SPIDR: variants seen among roughly 807,000 people sequenced by gnomAD.
SPIDR encodes DNA repair-scaffolding protein.
Under a neutral mutation model 104.6 loss-of-function variants are expected in SPIDR, and 93 were observed. The observed-to-expected ratio is 0.89, with a 90% CI of 0.75 to 1.06. The LOEUF is 1.06. Among genes scored for constraint, SPIDR ranks in the 50% least tolerant of loss-of-function variants. SPIDR has a pLI of 0.00. For synonymous variants in SPIDR, 431 were observed against 416.9 expected (o/e 1.03, Z -0.41); for missense variants, 1,154 against 1,111.2 (o/e 1.04, Z -0.55).
intron 5 of SPIDR, among the ~76,000 whole-genome samples, chr8:47,313,711 A>G (rs1388089734): frequency 6.6e-6 from 1 of 152,240 alleles, no homozygotes; most frequent in Non-Finnish European, 1.5e-5. Flanking sequence ...GTACCAAAAC[A>G]GAGATATAGA....
intron 8 of SPIDR, among the ~76,000 whole-genome samples, chr8:47,487,274 G>A (rs1554732153): frequency 3.9e-5 from 6 of 152,186 alleles, no homozygotes; most frequent in Non-Finnish European, 1.5e-5. Context: ...TTACATAATG[G>A]TGAAGGGATC....
chr8:47,518,991 A>C (rs577979661), intron 8 of SPIDR, among the ~76,000 whole-genome samples: 1 of 152,306 alleles, frequency 6.6e-6, no homozygotes, highest in African/African-American at 2.4e-5. Context: ...AATGTGAATA[A>C]TTGGTGAAAC....
intron 10 of SPIDR, among the ~76,000 whole-genome samples, chr8:47,635,384 G>A (rs2067739901): frequency 6.6e-6 from 1 of 152,070 alleles, no homozygotes; most frequent in Non-Finnish European, 1.5e-5. Context: ...TGGCTTATTT[G>A]TAAAACAATG....
At chr8:47,436,201 C>T (rs2068288474) in intron 7 of SPIDR, among the ~76,000 whole-genome samples, 1 of 152,222 alleles carries the variant, frequency 6.6e-6, no homozygotes, top group Non-Finnish European at 1.5e-5. Flanking sequence ...AAACGGAGGA[C>T]ACTCTTACAA....
intron 5 of SPIDR, among the ~76,000 whole-genome samples, chr8:47,352,605 C>A (rs1554623179): frequency 6.6e-6 from 1 of 152,072 alleles, no homozygotes; most frequent in Non-Finnish European, 1.5e-5. Flanking sequence ...ACGCTTTAGG[C>A]CTTGTGTAGG....
At chr8:47,571,047 C>T (rs1347888940) in intron 8 of SPIDR, among the ~76,000 whole-genome samples, 1 of 151,756 alleles carries the variant, frequency 6.6e-6, no homozygotes, top group Non-Finnish European at 1.5e-5. Context: ...GCCGAGATCG[C>T]ACCACGGCAC....
At chr8:47,658,542 T>G (rs2073379429) in intron 10 of SPIDR, among the ~76,000 whole-genome samples, 2 of 134,028 alleles carry the variant, frequency 1.5e-5, no homozygotes, top group Admixed American at 1.6e-4. Flanking sequence ...AGGGTTTTGT[T>G]ACTGTTGTTG....
chr8:47,415,308 G>A (rs547740939), intron 7 of SPIDR, among the ~76,000 whole-genome samples: 84 of 152,158 alleles, frequency 5.5e-4, no homozygotes, highest in East Asian at 1.7e-3. Context: ...AGTTTCCCCC[G>A]GTAATGACAT....
intron 8 of SPIDR, among the ~76,000 whole-genome samples, chr8:47,445,147 A>G (rs2070313469): frequency 1.3e-5 from 2 of 152,174 alleles, no homozygotes; most frequent in South Asian, 2.1e-4. Flanking sequence ...AGCACTAAAC[A>G]CATGTTGCAC....
At chr8:47,621,059 C>G (rs1328676495) in intron 10 of SPIDR, among the ~76,000 whole-genome samples, 2 of 151,960 alleles carry the variant, frequency 1.3e-5, no homozygotes, top group East Asian at 1.9e-4. Flanking sequence ...TGGGTTCAAG[C>G]AAGTCCCCAG....
chr8:47,293,021 C>T (rs1306643459), intron 4 of SPIDR, among the ~76,000 whole-genome samples: 2 of 152,002 alleles, frequency 1.3e-5, no homozygotes, highest in South Asian at 2.1e-4. Context: ...CTAATGTGTT[C>T]CCCTGCCTGG....
intron 5 of SPIDR, among the ~76,000 whole-genome samples, chr8:47,321,648 G>A (rs1022199023): frequency 2.0e-5 from 3 of 152,092 alleles, no homozygotes; most frequent in Non-Finnish European, 4.4e-5. Flanking sequence ...TCAATCCTAA[G>A]GTGAAAGAAC....
intron 5 of SPIDR, among the ~76,000 whole-genome samples, chr8:47,359,058 G>T (rs1554627985): frequency 6.6e-6 from 1 of 151,778 alleles, no homozygotes; most frequent in Non-Finnish European, 1.5e-5. Flanking sequence ...TGAGCACAGA[G>T]ATCTGATTCC....
At chr8:47,617,559 C>T (rs965726370) in intron 10 of SPIDR, among the ~76,000 whole-genome samples, 1 of 152,182 alleles carries the variant, frequency 6.6e-6, no homozygotes, top group Non-Finnish European at 1.5e-5. Flanking sequence ...CCCTTCAGTG[C>T]TGTCAAATGG....
chr8:47,300,088 T>C (rs1411606547), intron 5 of SPIDR, among the ~76,000 whole-genome samples: 19 of 152,202 alleles, frequency 1.2e-4, no homozygotes, highest in Admixed American at 1.2e-3. Context: ...TCCTGGACTT[T>C]TTTTGTTTGG....
chr8:47,449,334 TTAGAGCCTAGAG>T (rs1427363620), intron 8 of SPIDR, among the ~76,000 whole-genome samples: 2 of 152,126 alleles, frequency 1.3e-5, no homozygotes, highest in African/African-American at 4.8e-5. Flanking sequence ...TCAGCAGTAA[TTAGAGCCTAGAG>T]TAAAAACACA....
At chr8:47,456,874 G>A (rs2073073069) in intron 8 of SPIDR, among the ~76,000 whole-genome samples, 1 of 152,092 alleles carries the variant, frequency 6.6e-6, no homozygotes, top group Admixed American at 6.6e-5. Context: ...CCATACCTGA[G>A]TTATTTCACT....
At chr8:47,557,938 ATG>A (rs949699737) in intron 8 of SPIDR, among the ~76,000 whole-genome samples, 2 of 152,224 alleles carry the variant, frequency 1.3e-5, no homozygotes, top group Non-Finnish European at 2.9e-5. Flanking sequence ...ATTAAAAAAA[ATG>A]TGGTACATAC....
chr8:47,629,294 G>A (rs964207043), intron 10 of SPIDR, among the ~76,000 whole-genome samples: 6 of 152,174 alleles, frequency 3.9e-5, no homozygotes, highest in Non-Finnish European at 5.9e-5. Context: ...AGTAGGTCTG[G>A]GTTTTGGGGG....
Sources: gnomAD v4.1 joint callset for allele counts (sites outside exome capture counted in the v4.1 genomes callset) on GRCh38, gnomAD v4.1.1 for gene constraint, MANE v1.5 for transcripts, NCBI Gene and HGNC (gene_info 2026-07-23, HGNC 2026-07-21) for gene names.